DNAH12: variants seen among roughly 807,000 people sequenced by gnomAD.
DNAH12 encodes the protein dynein axonemal heavy chain 12, also known as axonemal beta dynein heavy chain 12.
A neutral mutation model predicts 371.5 loss-of-function variants in DNAH12; 285 were observed. The observed-to-expected ratio is 0.77, with a 90% CI of 0.70 to 0.85. The LOEUF is 0.85. Ranked by LOEUF, DNAH12 falls within the 40% of genes least tolerant of loss-of-function variation. The pLI, the probability that DNAH12 is intolerant of heterozygous loss-of-function variation, is 0.00. For missense variants in DNAH12, 3,611 were observed against 3,689.4 expected (o/e 0.98, Z 0.55); for synonymous variants, 1,200 against 1,213.0 (o/e 0.99, Z 0.22).
chr3:57,486,942 A>G (rs970122630), intron 12 of DNAH12, among the ~76,000 whole-genome samples: 2 of 152,124 alleles, frequency 1.3e-5, no homozygotes, highest in African/African-American at 4.8e-5. Flanking sequence ...CTAGGGAGGT[A>G]ATATTCAAGG....
At chr3:57,340,845 C>G (rs1226789020) in intron 60 of DNAH12, among the ~76,000 whole-genome samples, 1 of 152,084 alleles carries the variant, frequency 6.6e-6, no homozygotes, top group African/African-American at 2.4e-5. Context: ...CAGATAAAAA[C>G]ACAACATAAA....
At position 57,411,932 on chromosome 3, in the gene DNAH12, A is replaced by G. The variant is rs528064674; in HGVS notation, c.6020+1814T>C. 3.7e-4 allele frequency among the ~76,000 whole-genome samples: 57 copies of G among 152,360 alleles called. No homozygotes were observed. The Middle Eastern group carries it at 0.01, about 27-fold the overall frequency. Reference sequence around the variant, plus strand: ...GACACACCCAACTTTAAGGCTTACTATAAAACTACAGTAGTCAAGACAATC... The same window carrying G: ...GACACACCCAACTTTAAGGCTTACTGTAAAACTACAGTAGTCAAGACAATC... On this transcript the variant is annotated intron_variant, in intron 39 of 73. Coordinates refer to ENST00000495027, the MANE Select transcript of DNAH12 (RefSeq NM_001366028.2).
At chr3:57,425,332 C>T (rs997562715) in intron 34 of DNAH12, among the ~76,000 whole-genome samples, 191 bp from the exon 35 acceptor site, 14 of 152,028 alleles carry the variant, frequency 9.2e-5, no homozygotes, top group South Asian at 2.1e-4. Flanking sequence ...ACTGCAGCCT[C>T]CAACTCCTGG....
chr3:57,501,293 CA>C (rs1188894831), intron 11 of DNAH12, 27 bp downstream of exon 11: 1 of 1,552,298 alleles, frequency 6.4e-7, no homozygotes, highest in Non-Finnish European at 8.8e-7. Flanking sequence ...ATTCAAAACG[CA>C]TTAATAAAAA....
intron 2 of DNAH12, among the ~76,000 whole-genome samples, chr3:57,532,244 CTG>C (rs1191327713): frequency 6.6e-6 from 1 of 152,136 alleles, no homozygotes; most frequent in African/African-American, 2.4e-5. Flanking sequence ...AATTCTTTCT[CTG>C]TGTTATCTCG....
the DNAH12 span, among the ~76,000 whole-genome samples, chr3:57,552,201 C>T: frequency 2.5e-4 from 37 of 149,612 alleles, no homozygotes; most frequent in Admixed American, 4.7e-4. Context: ...GCCGAGATCA[C>T]GCCACTGCAC....
chr3:57,499,630 CAAAAA>C (rs1220632097), intron 11 of DNAH12, among the ~76,000 whole-genome samples: 24 of 14,886 alleles, frequency 1.6e-3, no homozygotes, highest in Admixed American at 5.2e-3. Flanking sequence ...ACCATCTCTA[CAAAAA>C]AAAAAAAAAA....
chr3:57,493,794 A>AG (rs2067216369), intron 11 of DNAH12: 1 of 152,050 alleles, frequency 6.6e-6, no homozygotes, highest in African/African-American at 2.4e-5. Flanking sequence ...AAAAAAAAAA[A>AG]AAGCATTTAA....
At chr3:57,546,364 C>T (rs888076187), upstream of DNAH12, among the ~76,000 whole-genome samples, 2 of 152,128 alleles carry the variant, frequency 1.3e-5, no homozygotes, top group African/African-American at 4.8e-5. Context: ...TTATCTCAGA[C>T]AATGAGAAAC....
At chr3:57,352,259 A>G (rs782798093) in intron 59 of DNAH12, 34 bp from the exon 60 acceptor site, 24 of 1,514,010 alleles carry the variant, frequency 1.6e-5, no homozygotes, top group Non-Finnish European at 1.8e-5. Context: ...GTATTGTCAA[A>G]CAAAACTAAG....
rs1033500916 is a variant in DNAH12 at position 57,370,167 on chromosome 3, T to A, written c.8760-1907A>T. Among the ~76,000 whole-genome samples, 44 of 152,228 alleles carry A rather than the reference T, an allele frequency of 2.9e-4. 1 individual carries two copies. Among genetic ancestry groups the A allele is most frequent in the Admixed American group, 7.2e-4 (11 of 15,252 alleles). On this transcript the variant is annotated intron_variant, in intron 55 of 73. Coordinates refer to ENST00000495027, the MANE Select transcript of DNAH12 (RefSeq NM_001366028.2). ...TTGCTGTTAAGTAGCCAAAGCAATG[T>A]ATAAACACTAAAAAAGGAACAGACT...
At chr3:57,401,827 C>T (rs2063878115) in intron 43 of DNAH12, among the ~76,000 whole-genome samples, 1 of 151,730 alleles carries the variant, frequency 6.6e-6, no homozygotes, top group Non-Finnish European at 1.5e-5. Flanking sequence ...CAACCAATGC[C>T]ACAGAAATAC....
At chr3:57,488,629 T>G (rs970621353) in intron 12 of DNAH12, among the ~76,000 whole-genome samples, 4 of 152,142 alleles carry the variant, frequency 2.6e-5, no homozygotes, top group African/African-American at 9.7e-5. Context: ...AGCATGCAAT[T>G]TTTTCACTTT....
At chr3:57,340,274 G>T (rs568908046) in intron 60 of DNAH12, among the ~76,000 whole-genome samples, 2 of 149,118 alleles carry the variant, frequency 1.3e-5, no homozygotes, top group African/African-American at 4.9e-5. Context: ...AGAAAAGCAA[G>T]AACAAACCAA....
intron 43 of DNAH12, among the ~76,000 whole-genome samples, chr3:57,395,326 T>A (rs1352847856): frequency 1.3e-5 from 2 of 152,176 alleles, no homozygotes; most frequent in Non-Finnish European, 2.9e-5. Flanking sequence ...GTTAAACATT[T>A]GTCAGCATAC....
chr3:57,308,334 A>T (rs1036965433), intron 69 of DNAH12, among the ~76,000 whole-genome samples: 9 of 152,230 alleles, frequency 5.9e-5, no homozygotes, highest in Middle Eastern at 3.4e-3. Context: ...GGCTCTTAGT[A>T]TTCAGTGAAC....
chr3:57,358,313 T>C (rs1424740412), intron 58 of DNAH12, among the ~76,000 whole-genome samples: 1 of 152,150 alleles, frequency 6.6e-6, no homozygotes, highest in African/African-American at 2.4e-5. Flanking sequence ...TAGATGAGTA[T>C]ATAAAGGAAG....
intron 30 of DNAH12, among the ~76,000 whole-genome samples, chr3:57,434,602 TA>T (rs992882578): frequency 2.2e-4 from 33 of 151,906 alleles, no homozygotes; most frequent in Admixed American, 4.6e-4. Context: ...ATAATAATAA[TA>T]AAAAAAACCT....
intron 17 of DNAH12, 32 bp downstream of exon 17, chr3:57,468,704 T>C: frequency 3.2e-6 from 4 of 1,248,508 alleles, no homozygotes; most frequent in Non-Finnish European, 4.2e-6. Context: ...AAGATAGCTA[T>C]AATATTAAAA....
Sources: gnomAD v4.1 joint callset for allele counts (sites outside exome capture counted in the v4.1 genomes callset) on GRCh38, gnomAD v4.1.1 for gene constraint, MANE v1.5 for transcripts, NCBI Gene and HGNC (gene_info 2026-07-23, HGNC 2026-07-21) for gene names.